The following AGTPBP1 variants were observed in gnomAD, a reference collection of about 807,000 sequenced individuals.
AGTPBP1 encodes ATP/GTP binding carboxypeptidase 1, also known as cytosolic carboxypeptidase 1.
Under a neutral mutation model 143.9 loss-of-function variants are expected in AGTPBP1, and 70 were observed. The ratio of observed to expected loss-of-function variants is 0.49; its 90% confidence interval spans 0.40 to 0.59. The LOEUF (loss-of-function observed/expected upper bound fraction) is 0.59, where lower values mean the gene tolerates loss of function less well. Among genes scored for constraint, AGTPBP1 ranks in the 20% least tolerant of loss-of-function variants. AGTPBP1 has a pLI of 0.00. For synonymous variants in AGTPBP1, 463 were observed against 500.2 expected (o/e 0.93, Z 0.99); for missense variants, 1,229 against 1,464.5 (o/e 0.84, Z 2.62).
chr9:85,641,602 G>A (rs1161307727), intron 13 of AGTPBP1, among the ~76,000 whole-genome samples: 1 of 152,148 alleles, frequency 6.6e-6, no homozygotes, highest in African/African-American at 2.4e-5. Context: ...GCAGAAGGTG[G>A]ACAGTTGTTG....
chr9:85,569,646 C>T (rs1394895090), intron 25 of AGTPBP1, among the ~76,000 whole-genome samples: 5 of 152,040 alleles, frequency 3.3e-5, no homozygotes, highest in Non-Finnish European at 5.9e-5. Context: ...TAAGAAGCAG[C>T]GTGCTGAATA....
At chr9:85,692,272 AT>A (rs1255296569) in intron 3 of AGTPBP1, among the ~76,000 whole-genome samples, 3,645 of 135,734 alleles carry the variant, frequency 0.027, 87 homozygotes, top group African/African-American at 0.073. Flanking sequence ...AGAAAGTTTG[AT>A]TTTTTTTTTT....
At chr9:85,685,331 C>T (rs188941844) in intron 3 of AGTPBP1, among the ~76,000 whole-genome samples, 1 of 151,036 alleles carries the variant, frequency 6.6e-6, no homozygotes, top group South Asian at 2.1e-4. Flanking sequence ...AAAGCAAAAT[C>T]CAAAAAAATA....
chr9:85,702,103 T>C (rs2134376083), intron 2 of AGTPBP1, among the ~76,000 whole-genome samples: 2 of 152,330 alleles, frequency 1.3e-5, no homozygotes, highest in Middle Eastern at 6.8e-3. Flanking sequence ...TCTGCTCAGT[T>C]TTCTCTGACA....
chr9:85,756,859 A>G, the AGTPBP1 span, among the ~76,000 whole-genome samples: 9 of 152,156 alleles, frequency 5.9e-5, no homozygotes, highest in South Asian at 2.1e-4. Context: ...CCACCTTTGT[A>G]TAATACCATT....
Position 85,705,647 on chromosome 9 carries a change from G to A in AGTPBP1, c.32+6855C>T, listed in dbSNP as rs1007646083. ...GTCTATAACATAGGTAACAGTAAGC[G>A]TATGACAAACAGCACAAAGGTTAGA... On this transcript the variant is annotated intron_variant, in intron 2 of 25. Coordinates refer to ENST00000357081, the MANE Select transcript of AGTPBP1 (RefSeq NM_001330701.2). 1.1e-4 allele frequency among the ~76,000 whole-genome samples: 17 copies of A among 152,170 alleles called. 1 individual carries two copies. In the South Asian group the frequency reaches 1.2e-3, roughly 11 times the overall value.
chr9:85,565,861 C>T (rs578097288), intron 25 of AGTPBP1, among the ~76,000 whole-genome samples: 1 of 152,140 alleles, frequency 6.6e-6, no homozygotes, highest in African/African-American at 2.4e-5. Context: ...TTGCCTCCAC[C>T]TTCCCAGTTT....
At position 85,632,973 on chromosome 9, in the gene AGTPBP1, A is replaced by C; in HGVS notation, c.1704T>G (p.Ala568=). The part of the protein sequence containing the change: ...CSLPLTVLTC[A]KACPHMATCG... ...AAGTAGCCATGTGTGGACATGCTTT[A>C]GCACAGGTAAGGACAGTAAGAGGAA... The change falls in exon 14 of 26, where the codon GCT becomes GCG. Residue 568 remains alanine (A), a synonymous_variant. Coordinates refer to ENST00000357081, the MANE Select transcript of AGTPBP1 (RefSeq NM_001330701.2). The C allele has an allele frequency of 6.2e-7, 1 of 1,614,174 alleles. No individual in the cohort carries two copies. The highest frequency in any genetic ancestry group is 8.5e-7 in the Non-Finnish European group (1 of 1,180,026).
At chr9:85,804,421 T>C in the AGTPBP1 span, among the ~76,000 whole-genome samples, 2 of 152,234 alleles carry the variant, frequency 1.3e-5, no homozygotes, top group African/African-American at 2.4e-5. Flanking sequence ...AAGACAGATA[T>C]ACACGGTTCT....
At chr9:85,551,335 G>A (rs965407679) in intron 25 of AGTPBP1, among the ~76,000 whole-genome samples, 4 of 152,120 alleles carry the variant, frequency 2.6e-5, no homozygotes, top group Admixed American at 2.0e-4. Context: ...ACACAGCTCA[G>A]TCTCATCTTC....
intron 21 of AGTPBP1, 77 bp from the exon 22 acceptor site, chr9:85,587,037 T>C: frequency 6.5e-7 from 1 of 1,539,618 alleles, no homozygotes; most frequent in Non-Finnish European, 8.8e-7. Context: ...AACCCTTATA[T>C]ACATATCTGA....
At chr9:85,724,970 C>T (rs903396349) in intron 1 of AGTPBP1, among the ~76,000 whole-genome samples, 4 of 152,184 alleles carry the variant, frequency 2.6e-5, no homozygotes, top group Non-Finnish European at 5.9e-5. Flanking sequence ...TAATGGCACA[C>T]AGTATCTATC....
Position 85,599,929 on chromosome 9 carries a change from C to T in AGTPBP1, c.2336-3480G>A, listed in dbSNP as rs561537308. 4.6e-5 allele frequency among the ~76,000 whole-genome samples: 7 copies of T among 152,232 alleles called. No individual in the cohort carries two copies. The East Asian group carries it at 1.2e-3, about 25-fold the overall frequency. On this transcript the variant is annotated intron_variant, in intron 17 of 25. Coordinates refer to ENST00000357081, the MANE Select transcript of AGTPBP1 (RefSeq NM_001330701.2). ...CAACCAAACTTCCTGGGTTTGAATT[C>T]CAACTTCACCACATACCAGATGCAT...
At chr9:85,678,295 G>T in intron 5 of AGTPBP1, 40 bp downstream of exon 5, 1 of 1,424,626 alleles carries the variant, frequency 7.0e-7, no homozygotes, top group Non-Finnish European at 9.8e-7. Context: ...GTTGATCACT[G>T]TTTAGAAACA....
chr9:85,553,497 G>C (rs1488218234), intron 25 of AGTPBP1, among the ~76,000 whole-genome samples: 1 of 152,190 alleles, frequency 6.6e-6, no homozygotes, highest in Non-Finnish European at 1.5e-5. Flanking sequence ...TATGATGTTT[G>C]GTAGTTAGGT....
chr9:85,753,781 GAT>G, the AGTPBP1 span, among the ~76,000 whole-genome samples: 1 of 151,848 alleles, frequency 6.6e-6, no homozygotes, highest in South Asian at 2.1e-4. Flanking sequence ...TAGATAGATA[GAT>G]AGATAGATAG....
At chr9:85,602,382 A>T (rs1829729660) in intron 17 of AGTPBP1, among the ~76,000 whole-genome samples, 1 of 152,196 alleles carries the variant, frequency 6.6e-6, no homozygotes, top group East Asian at 1.9e-4. Context: ...CTTTGACAAT[A>T]GACTAAAGCA....
At chr9:85,623,558 C>T (rs1831079452) in intron 14 of AGTPBP1, among the ~76,000 whole-genome samples, 1 of 151,992 alleles carries the variant, frequency 6.6e-6, no homozygotes, top group African/African-American at 2.4e-5. Context: ...GAGTTCGAGA[C>T]CAGCCTGGCC....
In AGTPBP1 at chr9:85,642,911, T is replaced by C. The variant is rs1344641699; in HGVS notation, c.1218A>G (p.Leu406=). The part of the protein sequence containing the change: ...NDDIETDINK[L]KPQQEPGRTI... ...TTCGTCCCGGTTCTTGCTGGGGTTTTAGTTTGTTAATATCTGTTTCAATAT... is the reference window on the plus strand; with the variant it reads ...TTCGTCCCGGTTCTTGCTGGGGTTTCAGTTTGTTAATATCTGTTTCAATAT... The change falls in exon 13 of 26, where the codon CTA becomes CTG. Residue 406 remains leucine (L), a synonymous_variant. Transcript: ENST00000357081. 4.3e-6 allele frequency: 7 copies of C among 1,613,522 alleles called. No homozygotes were observed. In the Admixed American group the frequency reaches 1.0e-4, roughly 23 times the overall value.
Sources: allele counts gnomAD v4.1 joint callset (sites outside exome capture counted in the v4.1 genomes callset), GRCh38; gene constraint gnomAD v4.1.1; transcripts MANE v1.5; gene names NCBI Gene and HGNC (gene_info 2026-07-23, HGNC 2026-07-21).